The following GRB10 variants were observed in gnomAD, a reference collection of about 807,000 sequenced individuals.
The protein encoded by GRB10 is growth factor receptor bound protein 10.
GRB10 carries 20 observed loss-of-function variants against 80.9 expected under a neutral mutation model. That is an observed-to-expected ratio of 0.25 (90% confidence interval 0.17 to 0.36). GRB10 has a LOEUF of 0.36. GRB10 is among the 10% of genes least tolerant of loss of function. The pLI is 1.00. For missense variants in GRB10, 548 were observed against 747.7 expected (o/e 0.73, Z 3.12); for synonymous variants, 291 against 291.5 (o/e 1.00, Z 0.02).
intron 5 of GRB10, among the ~76,000 whole-genome samples, chr7:50,690,704 G>C (rs1365479317): frequency 6.6e-6 from 1 of 152,194 alleles, no homozygotes; most frequent in Non-Finnish European, 1.5e-5. Flanking sequence ...AAGACACAGG[G>C]AAACTGCGGA....
chr7:50,726,934 T>C (rs184492779), intron 4 of GRB10: 1 of 152,226 alleles, frequency 6.6e-6, no homozygotes, highest in Non-Finnish European at 1.5e-5. Context: ...GTAGGAGAGA[T>C]GGTCTTTTTC....
intron 4 of GRB10, among the ~76,000 whole-genome samples, chr7:50,726,290 C>T (rs2068632244): frequency 6.6e-6 from 1 of 151,974 alleles, no homozygotes; most frequent in African/African-American, 2.4e-5. Flanking sequence ...TCCAGGTACT[C>T]GGGAGGCTGA....
At chr7:50,634,793 C>G (rs1332160854) in intron 7 of GRB10, among the ~76,000 whole-genome samples, 1 of 152,148 alleles carries the variant, frequency 6.6e-6, no homozygotes, top group Non-Finnish European at 1.5e-5. Context: ...GAAAAAGAGA[C>G]AATGAAGGGC....
chr7:50,651,032 T>C (rs1001974968), intron 7 of GRB10, among the ~76,000 whole-genome samples: 12 of 152,234 alleles, frequency 7.9e-5, no homozygotes, highest in Non-Finnish European at 1.3e-4. Flanking sequence ...TCTTCCACTA[T>C]GATTTTACCT....
chr7:50,602,959 A>T (rs545946413), intron 17 of GRB10, among the ~76,000 whole-genome samples: 2 of 152,228 alleles, frequency 1.3e-5, no homozygotes, highest in African/African-American at 4.8e-5. Context: ...GAGGAGGAGA[A>T]TGTAGGAAAG....
intron 2 of GRB10, among the ~76,000 whole-genome samples, chr7:50,765,998 A>C (rs944761074): frequency 6.6e-6 from 1 of 152,230 alleles, no homozygotes; most frequent in African/African-American, 2.4e-5. Context: ...TCCGCAGAGC[A>C]AAAGGAGCCA....
In GRB10 at chr7:50,595,491, T is replaced by C. The variant is rs2046463108; in HGVS notation, c.1584A>G (p.Ala528=). 6.2e-7 allele frequency: 1 copy of C among 1,611,732 alleles called. No individual in the cohort carries two copies. Among genetic ancestry groups the C allele is most frequent in the Non-Finnish European group, 8.5e-7 (1 of 1,177,940 alleles). Residue 528 remains alanine, a synonymous_variant, in exon 18 of 19, where the codon GCA becomes GCG. Transcript: ENST00000401949. ...LLRDSQSNPK[A]FVLTLCHHQK... ...GGTGATGACACAGTGTGAGTACAAA[T>C]GCCTTTGGATTACTCTGGCTGTCAC...
chr7:50,615,578 C>T (rs1187209543), intron 11 of GRB10, among the ~76,000 whole-genome samples: 1 of 152,220 alleles, frequency 6.6e-6, no homozygotes, highest in African/African-American at 2.4e-5. Flanking sequence ...CTCCCTTTCA[C>T]CTCTGCTGGC....
At chr7:50,778,139 C>T (rs978068621) in intron 2 of GRB10, among the ~76,000 whole-genome samples, 1 of 152,156 alleles carries the variant, frequency 6.6e-6, no homozygotes, top group Non-Finnish European at 1.5e-5. Flanking sequence ...TCCACCCCGA[C>T]CCCCCAAAAT....
intron 7 of GRB10, among the ~76,000 whole-genome samples, chr7:50,658,301 G>A (rs2153626476): frequency 6.6e-6 from 1 of 152,332 alleles, no homozygotes; most frequent in South Asian, 2.1e-4. Context: ...AGTCATTTAT[G>A]GCAGAAGCTG....
intron 7 of GRB10, among the ~76,000 whole-genome samples, chr7:50,646,159 C>T (rs897056677): frequency 6.6e-6 from 1 of 152,180 alleles, no homozygotes; most frequent in Non-Finnish European, 1.5e-5. Context: ...CAAAAGTAAG[C>T]TTATGTGCCA....
rs144196596 is a variant in GRB10 at position 50,747,041 on chromosome 7, G to A, written c.-47+8846C>T. Among the ~76,000 whole-genome samples the A allele has an allele frequency of 1.7e-3, 258 of 152,256 alleles. 1 individual carries two copies. Among genetic ancestry groups the A allele is most frequent in the African/African-American group, 6.0e-3 (248 of 41,548 alleles). The stretch of plus-strand genomic sequence containing the variant: ...CTGCAAGTGTTGACAAAGCATGTTC[G>A]AAACCCGCTGCCTCCTACCCCTCAA... On this transcript the variant is annotated intron_variant, in intron 3 of 18. Transcript: ENST00000401949.
At chr7:50,710,158 A>G (rs1010434660) in intron 4 of GRB10, among the ~76,000 whole-genome samples, 1 of 152,036 alleles carries the variant, frequency 6.6e-6, no homozygotes, top group African/African-American at 2.4e-5. Flanking sequence ...TTTAATTCCA[A>G]GCAGGAAGTA....
At chr7:50,732,166 G>A (rs762863048) in intron 4 of GRB10, 106 bp downstream of exon 4, 16 of 1,157,040 alleles carry the variant, frequency 1.4e-5, no homozygotes, top group Non-Finnish European at 2.1e-5. Context: ...GCGTGTCCTA[G>A]TGACCTGAGA....
chr7:50,633,968 G>A (rs1341465270), intron 7 of GRB10, among the ~76,000 whole-genome samples: 2 of 152,168 alleles, frequency 1.3e-5, no homozygotes, highest in Non-Finnish European at 2.9e-5. Context: ...ACATATTTAA[G>A]GGAAATAATT....
chr7:50,691,487 T>A (rs1234744400), intron 5 of GRB10, among the ~76,000 whole-genome samples: 1 of 152,184 alleles, frequency 6.6e-6, no homozygotes. Context: ...TGGGTTAAAA[T>A]ACGAAGCATA....
chr7:50,591,724 C>A lies in GRB10; in HGVS notation c.*1228G>T, dbSNP rs1462041666. Reference sequence around the variant, plus strand: ...ACAACCACTGTGAGGTACTTCTGACCCTAAGCCAGCAGAGGAGGAGCCTCT... The same window carrying A: ...ACAACCACTGTGAGGTACTTCTGACACTAAGCCAGCAGAGGAGGAGCCTCT... On this transcript the variant is annotated 3_prime_UTR_variant, in exon 19 of 19. Transcript: ENST00000401949. 6.6e-6 allele frequency: 1 copy of A among 152,222 alleles called. No individual in the cohort carries two copies. Among genetic ancestry groups the A allele is most frequent in the Non-Finnish European group, 1.5e-5 (1 of 68,050 alleles). 9.4% of individuals were successfully genotyped at this position (152,222 alleles called of 1,614,324 possible).
chr7:50,655,565 A>G lies in GRB10; in HGVS notation c.504+14157T>C, dbSNP rs2058562292. Among the ~76,000 whole-genome samples, 4 of 151,892 alleles carry G rather than the reference A, an allele frequency of 2.6e-5. No individual in the cohort carries two copies. In the South Asian group the frequency reaches 8.3e-4, roughly 32 times the overall value. ...TAGATGCACTCAGCTGTCCAACTTC[A>G]CTCCACTGCCCTAGTCCAGATAACA... On this transcript the variant is annotated intron_variant, in intron 7 of 18. Coordinates refer to ENST00000401949, the MANE Select transcript of GRB10 (RefSeq NM_001350814.2).
At position 50,590,357 on chromosome 7, in the gene GRB10, T is replaced by C. The variant is rs937457535; in HGVS notation, c.*2595A>G. On this transcript the variant is annotated 3_prime_UTR_variant, in exon 19 of 19. Transcript: ENST00000401949. ...CCCAGAAAGGCGCAGAGATCGGTCA[T>C]ACTGTCAGGTATTAAGTGCAGAAAA... 1.3e-5 allele frequency: 2 copies of C among 152,234 alleles called. No homozygotes were observed. The highest frequency in any genetic ancestry group is 2.9e-5 in the Non-Finnish European group (2 of 68,034). 9.4% of individuals were successfully genotyped at this position (152,234 alleles called of 1,614,324 possible). A position where few individuals can be genotyped will look rare whatever the true frequency, so the allele number is the denominator to read the frequency against.
Sources: gnomAD v4.1 joint callset for allele counts (sites outside exome capture counted in the v4.1 genomes callset) on GRCh38, gnomAD v4.1.1 for gene constraint, MANE v1.5 for transcripts, NCBI Gene and HGNC (gene_info 2026-07-23, HGNC 2026-07-21) for gene names.